FRY: variants seen among roughly 807,000 people sequenced by gnomAD.
FRY encodes the protein protein furry homolog.
FRY carries 128 observed loss-of-function variants against 348.4 expected under a neutral mutation model. The ratio of observed to expected loss-of-function variants is 0.37; its 90% CI spans 0.32 to 0.43. The LOEUF (loss-of-function observed/expected upper bound fraction) is 0.43. FRY is among the 20% of genes least tolerant of loss of function. The pLI is 1.00. For missense variants in FRY, 2,736 were observed against 3,695.2 expected, an observed-to-expected ratio of 0.74 and a Z score of 6.73; for synonymous variants, 1,370 against 1,374.7, an observed-to-expected ratio of 1.00 and a Z score of 0.08.
rs117975873 is a variant in FRY at position 32,039,286 on chromosome 13, C to A, written c.70+7421C>A. ...AGATTTCAGAATATGGGGCAGCAAG[C>A]ATTTCAGACAGGCATTCCTTACATT... On this transcript the variant is annotated intron_variant, in intron 1 of 60. Transcript: ENST00000542859. 4.2e-3 allele frequency among the ~76,000 whole-genome samples: 632 copies of A among 152,272 alleles called. 2 individuals carry two copies. The highest frequency in any genetic ancestry group is 6.7e-3 in the Non-Finnish European group (453 of 68,012).
intron 58 of FRY, among the ~76,000 whole-genome samples, chr13:32,279,005 G>A (rs940858975): frequency 2.6e-5 from 4 of 152,076 alleles, no homozygotes; most frequent in Admixed American, 1.3e-4. Context: ...AAAGGACAGA[G>A]TAAGAATGGA....
intron 3 of FRY, among the ~76,000 whole-genome samples, chr13:32,106,897 G>T (rs567989852): frequency 6.6e-6 from 1 of 152,212 alleles, no homozygotes; most frequent in South Asian, 2.1e-4. Context: ...TTCCCACTGT[G>T]GGTTTCTCCT....
At chr13:32,115,298 T>G (rs1173278795) in intron 3 of FRY, among the ~76,000 whole-genome samples, 1 of 152,156 alleles carries the variant, frequency 6.6e-6, no homozygotes, top group African/African-American at 2.4e-5. Flanking sequence ...ACTGCAGAAA[T>G]ATTGTGAGTT....
At chr13:32,220,557 G>C (rs141435940) in intron 36 of FRY, among the ~76,000 whole-genome samples, 126 of 152,332 alleles carry the variant, frequency 8.3e-4, no homozygotes, top group Non-Finnish European at 1.5e-3. Context: ...TAGAGATGAG[G>C]AAAGTAGTAC....
At chr13:32,144,749 T>C (rs1461451839) in intron 11 of FRY, among the ~76,000 whole-genome samples, 2 of 152,182 alleles carry the variant, frequency 1.3e-5, no homozygotes, top group Admixed American at 1.3e-4. Flanking sequence ...ATTGACCCCG[T>C]GCAGAACAGC....
At chr13:32,166,552 T>G (rs760321826) in intron 17 of FRY, among the ~76,000 whole-genome samples, 12 of 152,238 alleles carry the variant, frequency 7.9e-5, no homozygotes, top group Non-Finnish European at 1.6e-4. Flanking sequence ...TTTTCCCGCT[T>G]TATAATGTAA....
chr13:32,111,680 A>C (rs772232409), intron 3 of FRY, among the ~76,000 whole-genome samples: 1 of 152,138 alleles, frequency 6.6e-6, no homozygotes, highest in Non-Finnish European at 1.5e-5. Context: ...TCTTATACCA[A>C]ATGAAGTACA....
At chr13:32,045,563 T>A (rs950313888) in intron 1 of FRY, among the ~76,000 whole-genome samples, 1 of 152,248 alleles carries the variant, frequency 6.6e-6, no homozygotes, top group African/African-American at 2.4e-5. Flanking sequence ...GCACACTGAA[T>A]AATTAAAATT....
At chr13:32,123,473 C>G (rs1204473999) in intron 4 of FRY, among the ~76,000 whole-genome samples, 2 of 152,178 alleles carry the variant, frequency 1.3e-5, no homozygotes, top group Non-Finnish European at 2.9e-5. Flanking sequence ...AGAAAAGGGA[C>G]AGGGAAAGAA....
At chr13:32,289,825 C>T in intron 59 of FRY, 82 bp downstream of exon 59, 1 of 776,106 alleles carries the variant, frequency 1.3e-6, no homozygotes. Flanking sequence ...CCTTTTATAA[C>T]TGCCCAAGTG....
In FRY at chr13:32,237,600, A is replaced by T; in HGVS notation, c.6032A>T (p.Gln2011Leu). The change falls in exon 44 of 61, where the codon CAA becomes CTA. Residue 2011 changes from glutamine to leucine, a missense_variant. Coordinates refer to ENST00000542859, the MANE Select transcript of FRY (RefSeq NM_023037.3). This position sits in a 1 kb window ranked among gnomAD's most constrained non-coding sequence, Gnocchi z 6.3. ...CTGGACAGAATTCAGGCTTGTACCC[A>T]ACAAGGCCTCTCCTCAAAAACCAGA... is the stretch of plus-strand genomic sequence containing the variant. The part of the protein sequence containing the change: ...ATLDRIQACT[Q>L]QGLSSKTRSS... The T allele has an allele frequency of 6.2e-7, 1 of 1,614,128 alleles. No individual in the cohort carries two copies. Among genetic ancestry groups the T allele is most frequent in the South Asian group, 1.1e-5 (1 of 91,072 alleles).
chr13:32,202,366 C>A lies in FRY; in HGVS notation c.3857C>A (p.Ala1286Glu). 1 of 1,613,808 alleles carries A rather than the reference C, an allele frequency of 6.2e-7. No individual in the cohort carries two copies. The highest frequency in any genetic ancestry group is 1.1e-5 in the South Asian group (1 of 91,070). Reference sequence around the variant, plus strand: ...CCTACATCTTTATAGATCCTTGAAGCAAAGCTTTTTGTATACTCAAAGAAA... The same window carrying A: ...CCTACATCTTTATAGATCCTTGAAGAAAAGCTTTTTGTATACTCAAAGAAA... ...ISMQLMQILEAKLFVYSKKVA... is the reference protein window; with the variant it reads ...ISMQLMQILEEKLFVYSKKVA... The change falls in exon 31 of 61, where the codon GCA becomes GAA. Residue 1286 changes from alanine to glutamate, a missense_variant. By Grantham distance (107) the Ala-to-Glu change is moderately radical (BLOSUM62 -1). Transcript: ENST00000542859.
intron 2 of FRY, among the ~76,000 whole-genome samples, chr13:32,101,118 C>T (rs990785348): frequency 1.3e-5 from 2 of 152,306 alleles, no homozygotes; most frequent in South Asian, 4.1e-4. Flanking sequence ...CATTTCCTCT[C>T]ATTCCTCTCT....
rs537284710 is a variant in FRY, at chr13:32,297,038, T to C, written c.*1578T>C. ...CCCCAGGAACACAGGGAGAAACATGTAACAATCTCATTTATGCCGTCTTTC... is the reference window on the plus strand; with the variant it reads ...CCCCAGGAACACAGGGAGAAACATGCAACAATCTCATTTATGCCGTCTTTC... On this transcript the variant is annotated 3_prime_UTR_variant, in exon 61 of 61. Coordinates refer to ENST00000542859, the MANE Select transcript of FRY (RefSeq NM_023037.3). 1 of 152,372 alleles carries C rather than the reference T, an allele frequency of 6.6e-6. No individual in the cohort carries two copies. The highest frequency in any genetic ancestry group is 6.5e-5 in the Admixed American group (1 of 15,306). 9.4% of individuals were successfully genotyped at this position (152,372 alleles called of 1,614,324 possible).
chr13:32,256,310 A>G (rs1014051324), intron 51 of FRY, among the ~76,000 whole-genome samples: 24 of 152,068 alleles, frequency 1.6e-4, no homozygotes, highest in African/African-American at 5.8e-4. Context: ...GAGGCATCCT[A>G]GAGGATCACT....
At chr13:32,211,535 G>A (rs77505308) in intron 34 of FRY, among the ~76,000 whole-genome samples, 4,864 of 152,264 alleles carry the variant, frequency 0.032, 97 homozygotes, top group East Asian at 0.087. Flanking sequence ...CTGAGAATCT[G>A]TGGCTCAAGC....
At chr13:32,273,201 T>C (rs1015196784) in intron 55 of FRY, among the ~76,000 whole-genome samples, 32 of 151,462 alleles carry the variant, frequency 2.1e-4, no homozygotes, top group African/African-American at 7.8e-4. Context: ...TGCATGACCT[T>C]AAGCGAGTCA....
chr13:32,172,733 C>T (rs1199960606), intron 18 of FRY, among the ~76,000 whole-genome samples: 1 of 152,156 alleles, frequency 6.6e-6, no homozygotes, highest in African/African-American at 2.4e-5. Flanking sequence ...AGATGACATT[C>T]AGCTCCTTCT....
chr13:32,070,446 T>A (rs537039726), intron 1 of FRY, among the ~76,000 whole-genome samples: 1 of 152,334 alleles, frequency 6.6e-6, no homozygotes, highest in Admixed American at 6.5e-5. Flanking sequence ...ATGGTTTTGA[T>A]TTGCATTTCT....
Sources: allele counts gnomAD v4.1 joint callset (sites outside exome capture counted in the v4.1 genomes callset), GRCh38; gene constraint gnomAD v4.1.1; non-coding constraint Gnocchi (gnomAD v3.1); transcripts MANE v1.5; gene names NCBI Gene and HGNC (gene_info 2026-07-23, HGNC 2026-07-21).